DLGAP1: variants seen among roughly 807,000 people sequenced by gnomAD.
DLGAP1 encodes the protein DLG associated protein 1.
Under a neutral mutation model 90.8 loss-of-function variants are expected in DLGAP1, and 11 were observed. That is an observed-to-expected ratio of 0.12 (90% CI 0.08 to 0.20). The LOEUF (loss-of-function observed/expected upper bound fraction) is 0.20. DLGAP1 is among the 10% of genes least tolerant of loss of function. DLGAP1 has a pLI of 1.00. For synonymous variants in DLGAP1, 558 were observed against 540.7 expected (o/e 1.03, Z -0.44); for missense variants, 1,050 against 1,333.8 (o/e 0.79, Z 3.31).
In DLGAP1 at chr18:3,565,524, T is replaced by C. The variant is rs1227302067; in HGVS notation, c.2057+1966A>G. ...TTCTAAAACACTTAATAAAGAAACA[T>C]ATGCCTAGGACATTAAAGCAATGAT... On this transcript the variant is annotated intron_variant, in intron 9 of 12. Coordinates refer to ENST00000315677, the MANE Select transcript of DLGAP1 (RefSeq NM_004746.4). This position sits in a 1 kb window ranked among gnomAD's most constrained non-coding sequence, Gnocchi z 4.0. Among the ~76,000 whole-genome samples, 5 of 152,132 alleles carry C rather than the reference T, an allele frequency of 3.3e-5. No individual in the cohort carries two copies. Among genetic ancestry groups the C allele is most frequent in the Admixed American group, 6.6e-5 (1 of 15,264 alleles).
chr18:3,763,767 G>C (rs1166064756), intron 5 of DLGAP1, among the ~76,000 whole-genome samples: 1 of 151,672 alleles, frequency 6.6e-6, no homozygotes, highest in Non-Finnish European at 1.5e-5. Context: ...AGGTACAAGC[G>C]ATTATCCTGT....
intron 1 of DLGAP1, among the ~76,000 whole-genome samples, chr18:4,191,568 C>T (rs574118147): frequency 6.6e-6 from 1 of 152,274 alleles, no homozygotes; most frequent in East Asian, 1.9e-4. Flanking sequence ...TCCATTCTCT[C>T]CAGAGTGGCC....
chr18:3,787,457 G>C (rs1291014720), intron 5 of DLGAP1, among the ~76,000 whole-genome samples: 2 of 123,244 alleles, frequency 1.6e-5, no homozygotes, highest in African/African-American at 6.3e-5. Flanking sequence ...CTCTGGCCTG[G>C]GTGACAAAGC....
Position 4,200,606 on chromosome 18 carries a change from A to T in DLGAP1, c.-266-49319T>A, listed in dbSNP as rs569134068. Among the ~76,000 whole-genome samples the T allele has an allele frequency of 2.8e-3, 365 of 129,064 alleles. 1 individual carries two copies. The highest frequency in any genetic ancestry group is 0.015 in the African/African-American group (335 of 22,464). The allele number at this position is 129,064 out of a possible 152,430, so 84.7% of individuals were successfully genotyped here. On this transcript the variant is annotated intron_variant, in intron 1 of 12. Transcript: ENST00000315677. ...TAAATATTTAATACTTTAAAATATT[A>T]AAAAAAATATTGTGAAAATATTAAA...
rs80307134 is a variant in DLGAP1 at position 4,124,701 on chromosome 18, T to C, written c.-159+26479A>G. 1.6e-3 allele frequency among the ~76,000 whole-genome samples: 251 copies of C among 152,350 alleles called. 2 individuals are homozygous for C. The East Asian group carries it at 0.036, about 22-fold the overall frequency. On this transcript the variant is annotated intron_variant, in intron 2 of 12. Transcript: ENST00000315677. ...TTTCTATTAAGGAGGAATAAAAGTA[T>C]TGACTCATTCAATACTTTTTATTTT... is the stretch of plus-strand genomic sequence containing the variant.
chr18:3,506,659 C>T lies in DLGAP1; in HGVS notation c.2571+1911G>A, dbSNP rs376400111. Reference sequence around the variant, plus strand: ...TCTTCTTCATAATATACTTGCTCATCACATATTTCTTTTAACAAGGTATGT... The same window carrying T: ...TCTTCTTCATAATATACTTGCTCATTACATATTTCTTTTAACAAGGTATGT... On this transcript the variant is annotated intron_variant, in intron 11 of 12. Coordinates refer to ENST00000315677, the MANE Select transcript of DLGAP1 (RefSeq NM_004746.4). Among the ~76,000 whole-genome samples the T allele has an allele frequency of 2.7e-4, 40 of 150,528 alleles. No homozygotes were observed. The South Asian group carries it at 7.6e-3, about 28-fold the overall frequency.
chr18:3,936,506 C>T (rs2072643866), intron 3 of DLGAP1, among the ~76,000 whole-genome samples: 1 of 152,216 alleles, frequency 6.6e-6, no homozygotes, highest in Non-Finnish European at 1.5e-5. Flanking sequence ...ATAGGTGCTT[C>T]TTCCCCCAAG....
At chr18:4,248,871 C>T (rs528081226) in intron 1 of DLGAP1, among the ~76,000 whole-genome samples, 3 of 152,362 alleles carry the variant, frequency 2.0e-5, no homozygotes, top group Non-Finnish European at 4.4e-5. Context: ...CGGCCACATC[C>T]TTGTCCATCA....
At chr18:3,520,843 T>C (rs866587219) in intron 10 of DLGAP1, among the ~76,000 whole-genome samples, 29 of 152,294 alleles carry the variant, frequency 1.9e-4, no homozygotes, top group African/African-American at 6.7e-4. Context: ...TGCTCTCCAT[T>C]GTCTCCACTC....
rs111430699 is a variant in DLGAP1, at chr18:4,409,663, T to C, written c.-267+45343A>G. On this transcript the variant is annotated intron_variant, in intron 1 of 12. Transcript: ENST00000315677. ...GTGGTTTTGATTTGGATTTCCCTGA[T>C]CATTAGTGATGTTGATAATTTTTTC... is the stretch of plus-strand genomic sequence containing the variant. Among the ~76,000 whole-genome samples the C allele has an allele frequency of 4.5e-3, 684 of 152,298 alleles. 5 individuals carry two copies. The highest frequency in any genetic ancestry group is 0.016 in the African/African-American group (655 of 41,552).
chr18:4,010,173 T>A (rs2074388180), intron 2 of DLGAP1, among the ~76,000 whole-genome samples: 1 of 152,216 alleles, frequency 6.6e-6, no homozygotes, highest in African/African-American at 2.4e-5. Context: ...AATCTGATGT[T>A]ACTTTGATTG....
intron 3 of DLGAP1, chr18:3,983,407 A>C (rs2073778057): frequency 6.6e-6 from 1 of 152,216 alleles, no homozygotes; most frequent in South Asian, 2.1e-4. Context: ...ACTATGTGTC[A>C]GTATCTGCTT....
At chr18:3,875,164 C>A (rs2070965442) in intron 4 of DLGAP1, among the ~76,000 whole-genome samples, 1 of 152,056 alleles carries the variant, frequency 6.6e-6, no homozygotes, top group South Asian at 2.1e-4. Flanking sequence ...ATATCCATGC[C>A]CTCTTAACTT....
chr18:4,180,840 T>A lies in DLGAP1; in HGVS notation c.-266-29553A>T, dbSNP rs374366371. 2.1e-4 allele frequency among the ~76,000 whole-genome samples: 32 copies of A among 152,204 alleles called. 2 individuals carry two copies. The highest frequency in any genetic ancestry group is 3.9e-4 in the Admixed American group (6 of 15,276). On this transcript the variant is annotated intron_variant, in intron 1 of 12. Coordinates refer to ENST00000315677, the MANE Select transcript of DLGAP1 (RefSeq NM_004746.4). ...AAACTGGCTTTCAGTAAAGATTTGC[T>A]GGGAAGTCAAATGTTCAGAGCTCTG...
At position 4,443,874 on chromosome 18, in the gene DLGAP1, TAAAGA is replaced by T. The variant is rs911029300; in HGVS notation, c.-267+11127_-267+11131del. ...GTGAAATACTGTGTTACCGTAACAA[TAAAGA>T]AAACTACAAAACCCAAATTACTTGG... On this transcript the variant is annotated intron_variant, in intron 1 of 12. Transcript: ENST00000315677. 5.3e-5 allele frequency among the ~76,000 whole-genome samples: 8 copies of T among 152,288 alleles called. No individual in the cohort carries two copies. In the East Asian group the frequency reaches 1.2e-3, roughly 22 times the overall value.
intron 1 of DLGAP1, among the ~76,000 whole-genome samples, chr18:4,168,087 T>C (rs747065243): frequency 5.1e-4 from 78 of 152,248 alleles, no homozygotes; most frequent in Non-Finnish European, 8.4e-4. Context: ...GGAGAAGCTT[T>C]TAAAAAAATG....
chr18:4,087,810 GTTCT>G (rs1469496223), intron 2 of DLGAP1, among the ~76,000 whole-genome samples: 1 of 152,004 alleles, frequency 6.6e-6, no homozygotes, highest in African/African-American at 2.4e-5. Context: ...TCTTAACCTA[GTTCT>G]TTATTTTAAA....
chr18:4,041,178 A>G (rs1388705677), intron 2 of DLGAP1, among the ~76,000 whole-genome samples: 2 of 152,198 alleles, frequency 1.3e-5, no homozygotes, highest in Non-Finnish European at 2.9e-5. Flanking sequence ...ATATCTAGAA[A>G]TCTGGTTTTG....
intron 1 of DLGAP1, among the ~76,000 whole-genome samples, chr18:4,321,054 A>G (rs2080674847): frequency 6.6e-6 from 1 of 152,220 alleles, no homozygotes; most frequent in Admixed American, 6.5e-5. Context: ...ATATTTTGAA[A>G]GTGCTGTTAT....
Sources: gnomAD v4.1 joint callset for allele counts (sites outside exome capture counted in the v4.1 genomes callset) on GRCh38, gnomAD v4.1.1 for gene constraint, Gnocchi (gnomAD v3.1) non-coding constraint, MANE v1.5 for transcripts, NCBI Gene and HGNC (gene_info 2026-07-23, HGNC 2026-07-21) for gene names.